The following CLDN16 variants were observed in gnomAD, a reference collection of about 807,000 sequenced individuals.
The protein encoded by CLDN16 is claudin 16.
A neutral mutation model predicts 24.6 loss-of-function variants in CLDN16; 13 were observed. The ratio of observed to expected loss-of-function variants is 0.53; its 90% confidence interval spans 0.34 to 0.84. The LOEUF is 0.84. CLDN16 is among the 40% of genes least tolerant of loss of function. CLDN16 has a pLI of 0.01. For synonymous variants in CLDN16, 116 were observed against 106.7 expected, an observed-to-expected ratio of 1.09 and a Z score of -0.54; for missense variants, 298 against 292.7, an observed-to-expected ratio of 1.02 and a Z score of -0.13.
chr3:190,295,881 G>A, the CLDN16 span, among the ~76,000 whole-genome samples: 1 of 152,124 alleles, frequency 6.6e-6, no homozygotes, highest in African/African-American at 2.4e-5. Flanking sequence ...TGGATCAAGA[G>A]GCTTGATTTA....
chr3:190,348,528 A>T (rs1432234434), intron 1 of CLDN16, among the ~76,000 whole-genome samples: 1 of 152,232 alleles, frequency 6.6e-6, no homozygotes, highest in East Asian at 1.9e-4. Flanking sequence ...CTTAAGTCTC[A>T]TGGATAAATG....
chr3:190,290,686 T>C, the CLDN16 span, among the ~76,000 whole-genome samples: 1 of 152,186 alleles, frequency 6.6e-6, no homozygotes, highest in South Asian at 2.1e-4. Flanking sequence ...ACCTTTATCT[T>C]ACAGAAAGGA....
chr3:190,309,585 G>C, the CLDN16 span, among the ~76,000 whole-genome samples: 1 of 152,164 alleles, frequency 6.6e-6, no homozygotes, highest in Non-Finnish European at 1.5e-5. Context: ...CGAGAGCTAA[G>C]AATCAGCTCA....
intron 1 of CLDN16, among the ~76,000 whole-genome samples, chr3:190,346,970 G>A (rs557458103): frequency 1.4e-4 from 22 of 152,246 alleles, no homozygotes; most frequent in African/African-American, 5.1e-4. Flanking sequence ...CACACGCCGA[G>A]GTTTGGGCGG....
intron 3 of CLDN16, among the ~76,000 whole-genome samples, chr3:190,379,328 C>G (rs1718311051): frequency 6.6e-6 from 1 of 152,028 alleles, no homozygotes; most frequent in Admixed American, 6.6e-5. Context: ...AGAAGGATCT[C>G]TTTAGAATGC....
intron 1 of CLDN16, among the ~76,000 whole-genome samples, chr3:190,358,388 G>A (rs1717820742): frequency 6.6e-6 from 1 of 151,886 alleles, no homozygotes; most frequent in Admixed American, 6.6e-5. Flanking sequence ...CAATTCAGCA[G>A]CTTTCAAGTA....
chr3:190,298,474 A>C, the CLDN16 span, among the ~76,000 whole-genome samples: 1 of 116,444 alleles, frequency 8.6e-6, no homozygotes, highest in Non-Finnish European at 1.8e-5. Flanking sequence ...TTTGTATTTG[A>C]GACGGAGTTT....
chr3:190,404,957 TAGGGAGACTCTGCTA>T (rs1560098752), intron 3 of CLDN16, 31 bp downstream of exon 3: 1 of 1,609,800 alleles, frequency 6.2e-7, no homozygotes, highest in South Asian at 1.1e-5. Context: ...GCAACAGGGG[TAGGGAGACTCTGCTA>T]AGGGCTTGAG....
intron 1 of CLDN16, among the ~76,000 whole-genome samples, chr3:190,396,470 G>C (rs1455441001): frequency 6.6e-6 from 1 of 152,126 alleles, no homozygotes; most frequent in Non-Finnish European, 1.5e-5. Flanking sequence ...TATATGAATT[G>C]ATTGACAAAT....
intron 1 of CLDN16, among the ~76,000 whole-genome samples, chr3:190,362,990 A>AT (rs919736938): frequency 6.6e-6 from 1 of 151,950 alleles, no homozygotes; most frequent in Non-Finnish European, 1.5e-5. Context: ...GCATATGTGC[A>AT]TTTTTTAAAA....
At chr3:190,300,542 G>A in the CLDN16 span, among the ~76,000 whole-genome samples, 4 of 152,170 alleles carry the variant, frequency 2.6e-5, no homozygotes, top group South Asian at 2.1e-4. Context: ...TACATATTTC[G>A]AAGAACGATA....
chr3:190,311,079 A>C, the CLDN16 span, among the ~76,000 whole-genome samples: 1 of 152,218 alleles, frequency 6.6e-6, no homozygotes, highest in South Asian at 2.1e-4. Flanking sequence ...GGTCCAATGT[A>C]ATTGCCTCTA....
chr3:190,292,745 C>G, the CLDN16 span, among the ~76,000 whole-genome samples: 1 of 152,320 alleles, frequency 6.6e-6, no homozygotes, highest in African/African-American at 2.4e-5. Flanking sequence ...TGCCACCAGT[C>G]TCTTTGCTAA....
At chr3:190,326,883 A>G (rs1045159631) in intron 1 of CLDN16, among the ~76,000 whole-genome samples, 5 of 152,144 alleles carry the variant, frequency 3.3e-5, no homozygotes, top group African/African-American at 7.2e-5. Context: ...TCATTTGGGG[A>G]AGATCCTTTT....
the CLDN16 span, among the ~76,000 whole-genome samples, chr3:190,292,502 G>C: frequency 6.6e-6 from 1 of 152,162 alleles, no homozygotes; most frequent in Non-Finnish European, 1.5e-5. Context: ...ACATGCCCTG[G>C]AGATATTTTC....
At chr3:190,343,513 C>T (rs1185786020) in intron 1 of CLDN16, among the ~76,000 whole-genome samples, 4 of 152,100 alleles carry the variant, frequency 2.6e-5, no homozygotes, top group Non-Finnish European at 5.9e-5. Flanking sequence ...ATATTCATTG[C>T]AGCATTGTTC....
At chr3:190,337,244 G>A (rs1717331665) in intron 1 of CLDN16, among the ~76,000 whole-genome samples, 1 of 152,170 alleles carries the variant, frequency 6.6e-6, no homozygotes, top group South Asian at 2.1e-4. Flanking sequence ...TTAAAAGAAC[G>A]CTATACACAT....
intron 1 of CLDN16, among the ~76,000 whole-genome samples, chr3:190,363,556 G>GTGTATATATATA (rs1301414615): frequency 1.4e-4 from 12 of 87,380 alleles, no homozygotes; most frequent in African/African-American, 5.7e-4. Context: ...GTGTGTGTGT[G>GTGTATATATATA]TATATATATA....
At chr3:190,299,279 T>C in the CLDN16 span, among the ~76,000 whole-genome samples, 2 of 152,172 alleles carry the variant, frequency 1.3e-5, no homozygotes, top group Non-Finnish European at 2.9e-5. Context: ...AGCTTTTTTT[T>C]CCATTTGATT....
Sources: allele counts gnomAD v4.1 joint callset (sites outside exome capture counted in the v4.1 genomes callset), GRCh38; gene constraint gnomAD v4.1.1; transcripts MANE v1.5; gene names NCBI Gene and HGNC (gene_info 2026-07-23, HGNC 2026-07-21).